The following GABPB1 variants were observed in gnomAD, a reference collection of about 807,000 sequenced individuals.
GABPB1 encodes the protein GA-binding protein subunit beta-1.
GABPB1 carries 15 observed loss-of-function variants against 45.9 expected under a neutral mutation model. That is an observed-to-expected ratio of 0.33 (90% CI 0.22 to 0.50). GABPB1 has a LOEUF of 0.50. GABPB1 is among the 20% of genes least tolerant of loss of function. The pLI is 0.98. For synonymous variants in GABPB1, 143 were observed against 154.4 expected (o/e 0.93, Z 0.55); for missense variants, 252 against 457.5 (o/e 0.55, Z 4.10).
chr15:50,312,435 G>A (rs554522832), intron 1 of GABPB1, among the ~76,000 whole-genome samples: 1 of 151,968 alleles, frequency 6.6e-6, no homozygotes, highest in Non-Finnish European at 1.5e-5. Context: ...CCTCAATCCT[G>A]CTTAAAGACG....
At chr15:50,302,098 A>G (rs1373397695) in intron 4 of GABPB1, among the ~76,000 whole-genome samples, 1 of 152,204 alleles carries the variant, frequency 6.6e-6, no homozygotes, top group Admixed American at 6.5e-5. Flanking sequence ...ATTAAAGAAG[A>G]TAATTTATAT....
At chr15:50,302,643 CAAAAAAAAAAAA>C (rs60408137) in intron 4 of GABPB1, among the ~76,000 whole-genome samples, 23,789 of 62,398 alleles carry the variant, frequency 0.38, 2,476 homozygotes, top group Middle Eastern at 0.56. Context: ...GACTCTGGCT[CAAAAAAAAAAAA>C]AAAAAAAAAA....
chr15:50,303,157 T>C (rs759427327), intron 3 of GABPB1, 34 bp from the exon 4 acceptor site: 9 of 1,506,656 alleles, frequency 6.0e-6, no homozygotes, highest in South Asian at 1.2e-5. Flanking sequence ...TACTAAAATA[T>C]GAAATATCAC....
chr15:50,354,757 T>C, intron 1 of GABPB1: 1 of 276,292 alleles, frequency 3.6e-6, no homozygotes, highest in South Asian at 2.8e-5. Flanking sequence ...CCAGAAGCAG[T>C]GTGCCCAGCG....
intron 1 of GABPB1, chr15:50,314,686 T>C (rs994658922): frequency 6.6e-6 from 1 of 151,978 alleles, no homozygotes; most frequent in Non-Finnish European, 1.5e-5. Flanking sequence ...GGACAAAGAA[T>C]TGTCACATGT....
intron 1 of GABPB1, chr15:50,346,356 C>T (rs1036184407): frequency 3.3e-5 from 5 of 152,098 alleles, no homozygotes; most frequent in African/African-American, 1.2e-4. Context: ...GCCAAGAAAT[C>T]TTCATAATTA....
chr15:50,285,782 G>A lies in GABPB1; in HGVS notation c.999+286C>T, dbSNP rs74912775. ...CTTTAGTGACGTGTAAGAATGGTGT[G>A]TGTAAGTTTAAAACATAAAGGATGA... On this transcript the variant is annotated intron_variant, in intron 8 of 8. Transcript: ENST00000380877. The A allele has an allele frequency of 8.3e-4, 1,001 of 1,200,392 alleles. 13 individuals are homozygous for A. The East Asian group carries it at 0.032, about 39-fold the overall frequency. 74.4% of individuals were successfully genotyped at this position (1,200,392 alleles called of 1,614,324 possible).
chr15:50,322,467 A>AC (rs1353540644), intron 1 of GABPB1, among the ~76,000 whole-genome samples: 1 of 151,932 alleles, frequency 6.6e-6, no homozygotes, highest in Non-Finnish European at 1.5e-5. Context: ...AATCACTTGA[A>AC]TCAAGGAGAT....
chr15:50,316,765 GAT>G, intron 1 of GABPB1, among the ~76,000 whole-genome samples: 1 of 152,064 alleles, frequency 6.6e-6, no homozygotes, highest in Non-Finnish European at 1.5e-5. Flanking sequence ...AAGAAATTAA[GAT>G]ATGTCATAAT....
chr15:50,290,943 T>C (rs552302884), intron 6 of GABPB1, among the ~76,000 whole-genome samples: 1 of 152,242 alleles, frequency 6.6e-6, no homozygotes, highest in Admixed American at 6.5e-5. Flanking sequence ...CAACTACTGA[T>C]CCCAAAAGAC....
intron 1 of GABPB1, among the ~76,000 whole-genome samples, chr15:50,328,838 T>C (rs891851851): frequency 6.6e-6 from 1 of 152,222 alleles, no homozygotes; most frequent in Admixed American, 6.5e-5. Flanking sequence ...CTACATTACT[T>C]GGCATCCCTC....
At chr15:50,294,096 ATC>A (rs1372306728) in intron 6 of GABPB1, among the ~76,000 whole-genome samples, 1 of 152,226 alleles carries the variant, frequency 6.6e-6, no homozygotes, top group Non-Finnish European at 1.5e-5. Context: ...CTTTGACGAC[ATC>A]TGAGATCTCT....
intron 1 of GABPB1, among the ~76,000 whole-genome samples, chr15:50,317,777 T>C (rs1235203570): frequency 2.6e-5 from 4 of 151,790 alleles, no homozygotes; most frequent in Admixed American, 6.6e-5. Context: ...AGCGTGGTGA[T>C]GGGTGCCTGC....
At chr15:50,301,468 G>A in intron 4 of GABPB1, 100 bp from the exon 5 acceptor site, 1 of 1,073,270 alleles carries the variant, frequency 9.3e-7, no homozygotes, top group Non-Finnish European at 1.4e-6. Context: ...TATTCTCTAA[G>A]AAGAATCACA....
chr15:50,291,917 CAAA>C (rs1369368939), intron 6 of GABPB1, among the ~76,000 whole-genome samples: 4 of 83,410 alleles, frequency 4.8e-5, no homozygotes, highest in Admixed American at 1.3e-4. Flanking sequence ...GACTCTGTCT[CAAA>C]AAAAAAAAAA....
chr15:50,338,381 T>TG (rs1422300727), intron 1 of GABPB1, among the ~76,000 whole-genome samples: 1 of 151,850 alleles, frequency 6.6e-6, no homozygotes, highest in Non-Finnish European at 1.5e-5. Flanking sequence ...TATGACTCCT[T>TG]GTCTCCATTA....
At chr15:50,305,377 G>A (rs1315359516) in intron 2 of GABPB1, among the ~76,000 whole-genome samples, 2 of 152,120 alleles carry the variant, frequency 1.3e-5, no homozygotes, top group African/African-American at 4.8e-5. Flanking sequence ...GCCTCACTGT[G>A]TTGCCCAGGC....
At chr15:50,312,050 T>C (rs1317577336) in intron 1 of GABPB1, among the ~76,000 whole-genome samples, 1 of 152,010 alleles carries the variant, frequency 6.6e-6, no homozygotes, top group African/African-American at 2.4e-5. Context: ...AGGATAAAAA[T>C]AATCTATATT....
chr15:50,347,645 T>A (rs925287694), intron 1 of GABPB1: 1 of 152,142 alleles, frequency 6.6e-6, no homozygotes, highest in East Asian at 1.9e-4. Flanking sequence ...ATGAGAAGAA[T>A]TGACCTAATT....
Sources: gnomAD v4.1 joint callset for allele counts (sites outside exome capture counted in the v4.1 genomes callset) on GRCh38, gnomAD v4.1.1 for gene constraint, MANE v1.5 for transcripts, NCBI Gene and HGNC (gene_info 2026-07-23, HGNC 2026-07-21) for gene names.